The following CABP1 variants were observed in gnomAD, a reference collection of about 807,000 sequenced individuals.
CABP1 encodes calcium-binding protein 1.
In CABP1, 17 loss-of-function variants were observed where a neutral mutation model predicts 34.3. The observed-to-expected ratio is 0.50, with a 90% CI of 0.34 to 0.74. CABP1 has a LOEUF of 0.74. Among genes scored for constraint, CABP1 ranks in the 30% least tolerant of loss-of-function variants. The pLI, the probability that CABP1 is intolerant of heterozygous loss-of-function variation, is 0.01. For missense variants in CABP1, 373 were observed against 511.1 expected, an observed-to-expected ratio of 0.73 and a Z score of 2.61; for synonymous variants, 198 against 229.2, an observed-to-expected ratio of 0.86 and a Z score of 1.23.
chr12:120,676,277 G>A, the CABP1 span, among the ~76,000 whole-genome samples: 1 of 152,266 alleles, frequency 6.6e-6, no homozygotes, highest in Non-Finnish European at 1.5e-5. Flanking sequence ...TCCCATCATG[G>A]CAGAATGCTC....
Position 120,649,991 on chromosome 12 carries a change from ATG to A in CABP1, c.654+8664_654+8665del, listed in dbSNP as rs141834350. The stretch of plus-strand genomic sequence containing the variant: ...TCCCTGAGCGCTTGTGTGTGCATGC[ATG>A]TGTGTGTGTGTTTGTGCGCGCGTGT... On this transcript the variant is annotated intron_variant, in intron 1 of 5. Transcript: ENST00000316803. 7.4e-5 allele frequency: 11 copies of A among 149,190 alleles called. No individual in the cohort carries two copies. The South Asian group carries it at 1.3e-3, about 18-fold the overall frequency. 9.2% of individuals were successfully genotyped at this position (149,190 alleles called of 1,614,324 possible).
downstream of CABP1, among the ~76,000 whole-genome samples, chr12:120,671,745 T>C (rs548687847): frequency 1.3e-5 from 2 of 152,258 alleles, no homozygotes; most frequent in East Asian, 3.9e-4. Context: ...CATAGCAGTG[T>C]GGTTAAAAGC....
At chr12:120,655,818 A>G in intron 1 of CABP1, 1 of 1,497,022 alleles carries the variant, frequency 6.7e-7, no homozygotes, top group Non-Finnish European at 9.0e-7. Flanking sequence ...TGTATGTGCC[A>G]GTGCGTGCGT....
At position 120,660,447 on chromosome 12, in the gene CABP1, G is replaced by C; in HGVS notation, c.829+108G>C. ...TCTGCATCCACCTCTTACCAGCTCT[G>C]TGATCTGGGGCCAACCACTTACCCT... is the stretch of plus-strand genomic sequence containing the variant. On this transcript the variant is annotated intron_variant, in intron 3 of 5. Coordinates refer to ENST00000316803, the MANE Select transcript of CABP1 (RefSeq NM_001033677.2). The surrounding 1 kb of genome is among the most constrained non-coding windows in gnomAD (Gnocchi z 5.0). 4.0e-6 allele frequency: 5 copies of C among 1,252,544 alleles called. No homozygotes were observed. The highest frequency in any genetic ancestry group is 5.5e-6 in the Non-Finnish European group (5 of 907,786). 77.6% of individuals were successfully genotyped at this position (1,252,544 alleles called of 1,614,324 possible).
At chr12:120,670,862 T>A (rs1397758146), downstream of CABP1, among the ~76,000 whole-genome samples, 1 of 152,192 alleles carries the variant, frequency 6.6e-6, no homozygotes, top group Non-Finnish European at 1.5e-5. Context: ...ATGCACTTGA[T>A]GTTTATTGAG....
intron 1 of CABP1, among the ~76,000 whole-genome samples, chr12:120,653,318 T>TA (rs1291958707): frequency 1.3e-5 from 2 of 152,176 alleles, no homozygotes; most frequent in Admixed American, 6.5e-5. Flanking sequence ...GAGCACTTTA[T>TA]GTGTATAACT....
intron 1 of CABP1, among the ~76,000 whole-genome samples, chr12:120,652,967 C>T (rs73222787): frequency 0.036 from 5,483 of 152,206 alleles, 150 homozygotes; most frequent in South Asian, 0.11. Flanking sequence ...AGGCTCAGAG[C>T]TGGGCAGGAC....
intron 1 of CABP1, among the ~76,000 whole-genome samples, chr12:120,648,540 C>A (rs950314478): frequency 2.0e-5 from 3 of 152,074 alleles, no homozygotes; most frequent in African/African-American, 4.8e-5. Context: ...CCCCATTTTT[C>A]CAGTGGCGGA....
chr12:120,640,806 C>G lies in CABP1; in HGVS notation c.121C>G (p.Arg41Gly). 2 of 1,088,752 alleles carry G rather than the reference C, an allele frequency of 1.8e-6. No individual in the cohort carries two copies. The highest frequency in any genetic ancestry group is 2.2e-6 in the Non-Finnish European group (2 of 898,442). 67.4% of individuals were successfully genotyped at this position (1,088,752 alleles called of 1,614,324 possible). The change falls in exon 1 of 6, where the codon CGC becomes GGC. Residue 41 changes from arginine to glycine, a missense_variant. By Grantham distance (125) the Arg-to-Gly change is moderately radical. This residue lies in a region of CABP1 where 134 missense variants were observed against 145.4 expected (regional missense o/e 0.92). Transcript: ENST00000316803. This position sits in a 1 kb window ranked among gnomAD's most constrained non-coding sequence, Gnocchi z 6.2. ...TCTGCCCGCCGGGGGCCCCGCGCCG[C>G]GCCGCACCGCGCCGCCCCCGCCGGG... ...RSLPAGGPAP[R>G]RTAPPPPGHA...
intron 1 of CABP1, among the ~76,000 whole-genome samples, chr12:120,644,887 C>T (rs1323179612): frequency 6.6e-6 from 1 of 152,202 alleles, no homozygotes. Flanking sequence ...TCACTGCAAC[C>T]TCTGCCTCCA....
Position 120,641,367 on chromosome 12 carries a change from C to G in CABP1, c.654+28C>G. 1 of 1,258,050 alleles carries G rather than the reference C, an allele frequency of 7.9e-7. No individual in the cohort carries two copies. The highest frequency in any genetic ancestry group is 1.5e-5 in the African/African-American group (1 of 64,610). 77.9% of individuals were successfully genotyped at this position (1,258,050 alleles called of 1,614,324 possible). A position where few individuals can be genotyped will look rare whatever the true frequency, so the allele number is the denominator to read the frequency against. On this transcript the variant is annotated intron_variant, in intron 1 of 5. Coordinates refer to ENST00000316803, the MANE Select transcript of CABP1 (RefSeq NM_001033677.2). The surrounding 1 kb of genome is among the most constrained non-coding windows in gnomAD (Gnocchi z 6.7). ...AAGGGCCGCGCCTCCCGTCAGCGCT[C>G]CCGGGAAAGGCGCTCGGGACCCTGC... is the stretch of plus-strand genomic sequence containing the variant.
chr12:120,651,310 G>C (rs988373598), intron 1 of CABP1, among the ~76,000 whole-genome samples: 3 of 152,198 alleles, frequency 2.0e-5, no homozygotes, highest in Non-Finnish European at 4.4e-5. Flanking sequence ...TTGAGCAGGG[G>C]TTGCATGTAA....
rs1879350558 is a variant in CABP1, at chr12:120,641,920, C to T, written c.654+581C>T. On this transcript the variant is annotated intron_variant, in intron 1 of 5. Coordinates refer to ENST00000316803, the MANE Select transcript of CABP1 (RefSeq NM_001033677.2). This position sits in a 1 kb window ranked among gnomAD's most constrained non-coding sequence, Gnocchi z 6.7. ...CATGGAGGGGCATGCAGAGCTGTGG[C>T]TCAAACTGGAACTTTGGGGTGGTTT... 6.7e-6 allele frequency among the ~76,000 whole-genome samples: 1 copy of T among 149,254 alleles called. No individual in the cohort carries two copies. Among genetic ancestry groups the T allele is most frequent in the African/African-American group, 2.5e-5 (1 of 40,032 alleles).
chr12:120,674,414 T>C, the CABP1 span, among the ~76,000 whole-genome samples: 1 of 152,244 alleles, frequency 6.6e-6, no homozygotes, highest in Non-Finnish European at 1.5e-5. Flanking sequence ...AGGGAGGGGC[T>C]GTCTGCAAGG....
chr12:120,677,555 C>A, the CABP1 span, among the ~76,000 whole-genome samples: 80 of 152,144 alleles, frequency 5.3e-4, 1 homozygote, highest in East Asian at 0.012. Context: ...CGCCACAATG[C>A]TCAGCTATTG....
chr12:120,663,938 CAAGAT>C (rs1880806584), intron 5 of CABP1, among the ~76,000 whole-genome samples: 2 of 152,318 alleles, frequency 1.3e-5, no homozygotes, highest in Admixed American at 1.3e-4. Context: ...AGCAGAAAGA[CAAGAT>C]AAGCATGTGC....
Position 120,651,181 on chromosome 12 carries a change from A to G in CABP1, c.655-8697A>G, listed in dbSNP as rs1018280746. Among the ~76,000 whole-genome samples the G allele has an allele frequency of 8.2e-4, 8 of 9,706 alleles. No homozygotes were observed. The African/African-American group carries it at 0.015, about 18-fold the overall frequency. The allele number at this position is 9,706 out of a possible 152,430, so 6.4% of individuals were successfully genotyped here. A position where few individuals can be genotyped will look rare whatever the true frequency, so the allele number is the denominator to read the frequency against. On this transcript the variant is annotated intron_variant, in intron 1 of 5. Transcript: ENST00000316803. ...ATCCCATTGCTACTGAAAGGAACCA[A>G]ACAACAATAATTCTTCCCCAATAAT...
intron 5 of CABP1, among the ~76,000 whole-genome samples, chr12:120,664,293 G>A (rs1263130647): frequency 6.6e-6 from 1 of 152,176 alleles, no homozygotes; most frequent in African/African-American, 2.4e-5. Context: ...TGCTATAGAG[G>A]GGGCGCCTGT....
chr12:120,649,808 C>T (rs1295078340), intron 1 of CABP1, among the ~76,000 whole-genome samples: 2 of 152,130 alleles, frequency 1.3e-5, no homozygotes, highest in African/African-American at 4.8e-5. Flanking sequence ...AGCCTCGTCC[C>T]ATTTCAGTGA....
Sources: gnomAD v4.1 joint callset for allele counts (sites outside exome capture counted in the v4.1 genomes callset) on GRCh38, gnomAD v4.1.1 for gene constraint, gnomAD v4.1.1 regional missense constraint, Gnocchi (gnomAD v3.1) non-coding constraint, MANE v1.5 for transcripts, NCBI Gene and HGNC (gene_info 2026-07-23, HGNC 2026-07-21) for gene names.